The following DENND1A variants were observed in gnomAD, a reference collection of about 807,000 sequenced individuals.
DENND1A encodes DENN domain-containing protein 1A.
Under a neutral mutation model 113.7 loss-of-function variants are expected in DENND1A, and 51 were observed. That is an observed-to-expected ratio of 0.45 (90% CI 0.36 to 0.57). The LOEUF is 0.57. DENND1A is among the 20% of genes least tolerant of loss of function. The pLI, the probability that DENND1A is intolerant of heterozygous loss-of-function variation, is 0.00. For synonymous variants in DENND1A, 565 were observed against 570.8 expected (o/e 0.99, Z 0.14); for missense variants, 1,258 against 1,395.9 (o/e 0.90, Z 1.57).
At chr9:123,825,983 G>C (rs1032486510) in intron 2 of DENND1A, among the ~76,000 whole-genome samples, 1 of 152,108 alleles carries the variant, frequency 6.6e-6, no homozygotes, top group African/African-American at 2.4e-5. Flanking sequence ...CCAGATGAGG[G>C]CTGCTCTTTC....
intron 2 of DENND1A, among the ~76,000 whole-genome samples, chr9:123,838,771 C>T (rs1342647198): frequency 6.6e-6 from 1 of 152,118 alleles, no homozygotes; most frequent in Non-Finnish European, 1.5e-5. Context: ...CTCAGGAAGC[C>T]CTACCTAGGA....
rs140226732 is a variant in DENND1A, at chr9:123,445,827, A to C, written c.1356+4866T>G. Among the ~76,000 whole-genome samples the C allele has an allele frequency of 5.6e-3, 851 of 152,314 alleles. 6 individuals carry two copies. The highest frequency in any genetic ancestry group is 0.019 in the African/African-American group (784 of 41,570). ...GTTTGCGGTGAGCTGAGATCACACC[A>C]CTGCACTCCAGCCTGGGCAACAGAG... is the stretch of plus-strand genomic sequence containing the variant. On this transcript the variant is annotated intron_variant, in intron 18 of 23. Coordinates refer to ENST00000394215, the MANE Select transcript of DENND1A (RefSeq NM_001352964.2).
At chr9:123,525,939 T>C (rs2054804771) in intron 13 of DENND1A, among the ~76,000 whole-genome samples, 1 of 151,970 alleles carries the variant, frequency 6.6e-6, no homozygotes, top group Non-Finnish European at 1.5e-5. Flanking sequence ...AAAAATTTTT[T>C]TGTAGAGACA....
intron 2 of DENND1A, among the ~76,000 whole-genome samples, chr9:123,835,793 A>C (rs1261699356): frequency 6.6e-6 from 1 of 152,190 alleles, no homozygotes; most frequent in African/African-American, 2.4e-5. Flanking sequence ...CTTTCCATCA[A>C]AATACATTCT....
intron 1 of DENND1A, among the ~76,000 whole-genome samples, chr9:123,922,239 T>C (rs1856400489): frequency 1.3e-5 from 2 of 152,268 alleles, no homozygotes; most frequent in Middle Eastern, 3.4e-3. Context: ...CGGCCTGTCA[T>C]TCCTTTTCTT....
chr9:123,872,531 C>T lies in DENND1A; in HGVS notation c.88+6420G>A, dbSNP rs563075121. 3.3e-4 allele frequency among the ~76,000 whole-genome samples: 50 copies of T among 152,108 alleles called. 1 individual carries two copies. The South Asian group carries it at 9.5e-3, about 29-fold the overall frequency. On this transcript the variant is annotated intron_variant, in intron 2 of 23. Transcript: ENST00000394215. ...TTATTTACACACACATTCACACACA[C>T]AAAAGAAGACAATAAGGAAGTAAAT...
intron 3 of DENND1A, among the ~76,000 whole-genome samples, chr9:123,782,631 T>C (rs1289150463): frequency 6.6e-6 from 1 of 152,188 alleles, no homozygotes; most frequent in Non-Finnish European, 1.5e-5. Flanking sequence ...GGTTTTCTGA[T>C]AGAAATCTAC....
intron 13 of DENND1A, among the ~76,000 whole-genome samples, chr9:123,466,366 C>G (rs1365075412): frequency 6.6e-6 from 1 of 151,976 alleles, no homozygotes; most frequent in African/African-American, 2.4e-5. Context: ...GCGATGTGAT[C>G]TCTGCTCACT....
chr9:123,796,953 AT>A (rs756218446), intron 2 of DENND1A, among the ~76,000 whole-genome samples: 2 of 152,132 alleles, frequency 1.3e-5, no homozygotes, highest in Non-Finnish European at 2.9e-5. Context: ...ATCTCCTATA[AT>A]AGGACCTCTT....
chr9:123,742,125 CA>C (rs1329095991), intron 5 of DENND1A, among the ~76,000 whole-genome samples: 6 of 152,102 alleles, frequency 3.9e-5, no homozygotes, highest in Non-Finnish European at 8.8e-5. Context: ...ACAGCTCTGC[CA>C]GTTGGCAAAC....
At chr9:123,504,493 T>A (rs532305857) in intron 13 of DENND1A, among the ~76,000 whole-genome samples, 2 of 152,340 alleles carry the variant, frequency 1.3e-5, no homozygotes, top group South Asian at 4.1e-4. Context: ...TGTTTTTAAG[T>A]CTGATTTAAA....
At chr9:123,497,934 C>A (rs1479972741) in intron 13 of DENND1A, among the ~76,000 whole-genome samples, 1 of 152,132 alleles carries the variant, frequency 6.6e-6, no homozygotes, top group East Asian at 1.9e-4. Context: ...CTTCATCAAC[C>A]CAGACCCCAT....
intron 13 of DENND1A, among the ~76,000 whole-genome samples, chr9:123,530,872 C>G (rs1241154011): frequency 1.3e-5 from 2 of 151,986 alleles, no homozygotes; most frequent in Non-Finnish European, 2.9e-5. Flanking sequence ...ATAAATAGAA[C>G]CATTATAACA....
chr9:123,918,652 A>T (rs1302580695), intron 1 of DENND1A, among the ~76,000 whole-genome samples: 1 of 152,154 alleles, frequency 6.6e-6, no homozygotes, highest in Non-Finnish European at 1.5e-5. Context: ...GAAAATGTTT[A>T]AAAAATTAAT....
At chr9:123,850,430 C>T (rs1157249381) in intron 2 of DENND1A, among the ~76,000 whole-genome samples, 4 of 152,150 alleles carry the variant, frequency 2.6e-5, no homozygotes, top group African/African-American at 4.8e-5. Flanking sequence ...TGCTATTATA[C>T]AATTAATAGA....
At chr9:123,719,432 T>C (rs897769996) in intron 5 of DENND1A, among the ~76,000 whole-genome samples, 2 of 152,350 alleles carry the variant, frequency 1.3e-5, no homozygotes. Context: ...ACTGTCCGCC[T>C]GGGAGTGCTC....
In DENND1A at chr9:123,381,389, G is replaced by C; in HGVS notation, c.*43C>G. 1 of 1,578,484 alleles carries C rather than the reference G, an allele frequency of 6.3e-7. No homozygotes were observed. The highest frequency in any genetic ancestry group is 8.6e-7 in the Non-Finnish European group (1 of 1,157,784). On this transcript the variant is annotated 3_prime_UTR_variant, in exon 24 of 24. Transcript: ENST00000394215. The surrounding 1 kb of genome is among the most constrained non-coding windows in gnomAD (Gnocchi z 4.7). ...GAGCCTCGGAACCGCAGCAGTGGAC[G>C]GACCCTCGGGCCTCGGTGCATCCCC...
At chr9:123,784,742 A>G (rs1285359554) in intron 3 of DENND1A, among the ~76,000 whole-genome samples, 1 of 152,210 alleles carries the variant, frequency 6.6e-6, no homozygotes, top group Non-Finnish European at 1.5e-5. Flanking sequence ...AAGTAGTAGT[A>G]CAACATAGCT....
chr9:123,580,908 G>T (rs1271589159), intron 12 of DENND1A, among the ~76,000 whole-genome samples: 3 of 152,178 alleles, frequency 2.0e-5, no homozygotes, highest in Non-Finnish European at 2.9e-5. Context: ...CAGACTGGGG[G>T]TCCAATCTCA....
Sources: allele counts gnomAD v4.1 joint callset (sites outside exome capture counted in the v4.1 genomes callset), GRCh38; gene constraint gnomAD v4.1.1; non-coding constraint Gnocchi (gnomAD v3.1); transcripts MANE v1.5; gene names NCBI Gene and HGNC (gene_info 2026-07-23, HGNC 2026-07-21).